Variants in GPT2 observed in about 807,000 individuals in gnomAD.
GPT2 encodes the protein glutamic--pyruvic transaminase 2.
A neutral mutation model predicts 56.9 loss-of-function variants in GPT2; 30 were observed. That is an observed-to-expected ratio of 0.53 (90% CI 0.39 to 0.72). The LOEUF (loss-of-function observed/expected upper bound fraction) is 0.72, where lower values mean the gene tolerates loss of function less well. Among genes scored for constraint, GPT2 ranks in the 30% least tolerant of loss-of-function variants. The probability of loss-of-function intolerance (pLI) is 0.00; values close to 1 mark genes in which losing one functional copy is unlikely to be tolerated. For synonymous variants in GPT2, 271 were observed against 283.1 expected (o/e 0.96, Z 0.43); for missense variants, 542 against 703.4 (o/e 0.77, Z 2.60).
At chr16:46,894,911 C>G (rs1193634167) in intron 2 of GPT2, among the ~76,000 whole-genome samples, 1 of 152,052 alleles carries the variant, frequency 6.6e-6, no homozygotes, top group African/African-American at 2.4e-5. Context: ...GTGATCCGCT[C>G]GCCTCAGCCT....
chr16:46,921,234 T>C (rs1036792977), intron 8 of GPT2, among the ~76,000 whole-genome samples: 2 of 152,172 alleles, frequency 1.3e-5, no homozygotes. Flanking sequence ...AGAGGCGCGA[T>C]CTTAGTTCAC....
intron 2 of GPT2, among the ~76,000 whole-genome samples, chr16:46,894,892 G>A (rs1212495648): frequency 6.6e-6 from 1 of 151,996 alleles, no homozygotes; most frequent in Non-Finnish European, 1.5e-5. Context: ...GTCTCGATCT[G>A]CTGACCTCGT....
Position 46,906,855 on chromosome 16 carries a change from T to C in GPT2, c.456T>C (p.Ala152=), listed in dbSNP as rs534219665. The C allele has an allele frequency of 6.2e-7, 1 of 1,614,216 alleles. No homozygotes were observed. Among genetic ancestry groups the C allele is most frequent in the Non-Finnish European group, 8.5e-7 (1 of 1,180,032 alleles). Residue 152 remains alanine, a synonymous_variant, in exon 5 of 12, where the codon GCT becomes GCC. Coordinates refer to ENST00000340124, the MANE Select transcript of GPT2 (RefSeq NM_133443.4). ...GCTGTCTTACAGGGTCCTACAGTGC[T>C]AGCCAGGGTGTCAACTGCATCCGTG... The part of the protein sequence containing the change: ...CGGNSLGSYS[A]SQGVNCIRED...
At chr16:46,899,014 T>TA (rs1567335212) in intron 3 of GPT2, among the ~76,000 whole-genome samples, 4 of 7,808 alleles carry the variant, frequency 5.1e-4, no homozygotes, top group African/African-American at 9.1e-4. Flanking sequence ...TATATATATA[T>TA]ATATATATAT....
Position 46,884,634 on chromosome 16 carries a change from G to T in GPT2, c.-22-60G>T. On this transcript the variant is annotated intron_variant, in intron 1 of 11. Transcript: ENST00000340124. ...GAGCCCTTGGCTGGGCTTGTGTGGG[G>T]GAGTGCTGCACGCCTGGGCAGTGCG... 7.6e-7 allele frequency: 1 copy of T among 1,317,010 alleles called. No homozygotes were observed. The highest frequency in any genetic ancestry group is 2.8e-5 in the South Asian group (1 of 36,054). 81.6% of individuals were successfully genotyped at this position (1,317,010 alleles called of 1,614,324 possible).
At chr16:46,909,563 C>A in intron 5 of GPT2, 121 bp from the exon 6 acceptor site, 1 of 1,123,772 alleles carries the variant, frequency 8.9e-7, no homozygotes, top group Non-Finnish European at 1.3e-6. Flanking sequence ...AACTGAGACT[C>A]GGGGAAGTAA....
chr16:46,890,330 C>T (rs944536355), intron 2 of GPT2, among the ~76,000 whole-genome samples: 1 of 152,132 alleles, frequency 6.6e-6, no homozygotes, highest in Non-Finnish European at 1.5e-5. Context: ...ATCAGGAGCC[C>T]GGGAGCATTT....
chr16:46,906,647 GA>G (rs1437294740), intron 4 of GPT2, among the ~76,000 whole-genome samples, 194 bp from the exon 5 acceptor site: 1 of 152,056 alleles, frequency 6.6e-6, no homozygotes, highest in Non-Finnish European at 1.5e-5. Flanking sequence ...TGGGTGGATG[GA>G]TAGAGGGGTG....
chr16:46,917,815 A>C (rs1961200455), intron 7 of GPT2, among the ~76,000 whole-genome samples: 1 of 152,106 alleles, frequency 6.6e-6, no homozygotes, highest in African/African-American at 2.4e-5. Context: ...TTGTTGCCTT[A>C]ATAGTAGATG....
intron 3 of GPT2, among the ~76,000 whole-genome samples, chr16:46,898,756 G>A (rs1013608727): frequency 2.0e-5 from 3 of 151,298 alleles, no homozygotes; most frequent in South Asian, 2.1e-4. Flanking sequence ...CTCCATGTTG[G>A]CCAGGCTGGT....
In GPT2 at chr16:46,929,389, C is replaced by T. The variant is rs2143590186; in HGVS notation, c.*392C>T. ...TTAACCGTGGTGAGGGCTGGAAATC[C>T]AAACTCACCACCATGATCTGTGAAA... is the stretch of plus-strand genomic sequence containing the variant. On this transcript the variant is annotated 3_prime_UTR_variant, in exon 12 of 12. Coordinates refer to ENST00000340124, the MANE Select transcript of GPT2 (RefSeq NM_133443.4). The T allele has an allele frequency of 4.3e-6, 1 of 230,576 alleles. No homozygotes were observed. The highest frequency in any genetic ancestry group is 6.7e-5 in the South Asian group (1 of 15,000). 14.3% of individuals were successfully genotyped at this position (230,576 alleles called of 1,614,324 possible).
Position 46,897,696 on chromosome 16 carries a change from G to T in GPT2, c.292G>T (p.Ala98Ser). The T allele has an allele frequency of 6.2e-7, 1 of 1,614,108 alleles. No individual in the cohort carries two copies. Reference sequence around the variant, plus strand: ...GGTCATCCGAGCCAACATCGGGGACGCCCAGGCTATGGGGCAGCAGCCAAT... The same window carrying T: ...GGTCATCCGAGCCAACATCGGGGACTCCCAGGCTATGGGGCAGCAGCCAAT... ...TEVIRANIGD[A>S]QAMGQQPITF... Residue 98 changes from alanine (A) to serine (S), a missense_variant, in exon 3 of 12, where the codon GCC (alanine) becomes TCC (serine). Transcript: ENST00000340124.
At chr16:46,920,539 G>A (rs1961266023) in intron 8 of GPT2, among the ~76,000 whole-genome samples, 1 of 152,256 alleles carries the variant, frequency 6.6e-6, no homozygotes, top group African/African-American at 2.4e-5. Context: ...TTGCAGCAAA[G>A]GGCATGTGTT....
chr16:46,894,314 C>G (rs1960643186), intron 2 of GPT2, among the ~76,000 whole-genome samples: 1 of 152,132 alleles, frequency 6.6e-6, no homozygotes. Flanking sequence ...TCCTGGGCCT[C>G]ACAACTGTGA....
intron 6 of GPT2, among the ~76,000 whole-genome samples, chr16:46,910,380 C>CAA (rs4039999): frequency 0.028 from 1,311 of 46,282 alleles, 299 homozygotes; most frequent in East Asian, 0.034. Context: ...GACTCTGTCT[C>CAA]AAAAAAAAAA....
At position 46,922,354 on chromosome 16, in the gene GPT2, G is replaced by A. The variant is rs762356280; in HGVS notation, c.1150G>A (p.Ala384Thr). Residue 384 changes from alanine (A) to threonine (T), a missense_variant, in exon 9 of 12, where the codon GCC becomes ACC. By Grantham distance (58) the Ala-to-Thr change is moderately conservative (BLOSUM62 0). Transcript: ENST00000340124. ...RLCPPVSGQAAMDIVVNPPVA... is the reference protein window; with the variant it reads ...RLCPPVSGQATMDIVVNPPVA... ...GTGCCCCCCAGTGTCTGGGCAGGCC[G>A]CCATGGACATTGTCGTGAACCCCCC... 10 of 1,613,826 alleles carry A rather than the reference G, an allele frequency of 6.2e-6. No homozygotes were observed. Among genetic ancestry groups the A allele is most frequent in the South Asian group, 2.2e-5 (2 of 91,064 alleles).
At chr16:46,926,611 G>A in intron 10 of GPT2, among the ~76,000 whole-genome samples, 1 of 152,210 alleles carries the variant, frequency 6.6e-6, no homozygotes, top group Non-Finnish European at 1.5e-5. Flanking sequence ...CATTTTCAGA[G>A]GATTATGCAG....
At chr16:46,899,022 TATATATATATATA>T (rs1429946353) in intron 3 of GPT2, among the ~76,000 whole-genome samples, 102 of 85,740 alleles carry the variant, frequency 1.2e-3, no homozygotes, top group African/African-American at 1.5e-3. Flanking sequence ...TATATATATA[TATATATATATATA>T]TTTTTTTTTT....
chr16:46,892,873 C>G (rs1469164445), intron 2 of GPT2, among the ~76,000 whole-genome samples: 1 of 152,190 alleles, frequency 6.6e-6, no homozygotes, highest in African/African-American at 2.4e-5. Flanking sequence ...AGTTGTCTCT[C>G]AGTATCCAAG....
Sources: allele counts gnomAD v4.1 joint callset (sites outside exome capture counted in the v4.1 genomes callset), GRCh38; gene constraint gnomAD v4.1.1; transcripts MANE v1.5; gene names NCBI Gene and HGNC (gene_info 2026-07-23, HGNC 2026-07-21).